PPARGC1A: variants seen among roughly 807,000 people sequenced by gnomAD.
PPARGC1A encodes the protein peroxisome proliferator-activated receptor gamma coactivator 1-alpha.
A neutral mutation model predicts 88.7 loss-of-function variants in PPARGC1A; 25 were observed. The ratio of observed to expected loss-of-function variants is 0.28; its 90% CI spans 0.21 to 0.39. The LOEUF is 0.39. Among genes scored for constraint, PPARGC1A ranks in the 10% least tolerant of loss-of-function variants. The pLI is 1.00. For missense variants in PPARGC1A, 880 were observed against 968.7 expected (o/e 0.91, Z 1.22); for synonymous variants, 363 against 355.6 (o/e 1.02, Z -0.24).
chr4:24,287,622 T>G, the PPARGC1A span, among the ~76,000 whole-genome samples: 1 of 102,464 alleles, frequency 9.8e-6, no homozygotes, highest in Non-Finnish European at 2.1e-5. Flanking sequence ...AATAAAATGC[T>G]CAACACCACA....
At chr4:24,139,850 G>A in the PPARGC1A span, among the ~76,000 whole-genome samples, 1 of 152,176 alleles carries the variant, frequency 6.6e-6, no homozygotes, top group African/African-American at 2.4e-5. Context: ...CAAAAAGGAG[G>A]TCTGTAAAGC....
chr4:24,133,607 T>C, the PPARGC1A span, among the ~76,000 whole-genome samples: 1 of 152,150 alleles, frequency 6.6e-6, no homozygotes, highest in Non-Finnish European at 1.5e-5. Flanking sequence ...GGGGAGATTA[T>C]TCATTTAGTG....
At chr4:24,022,454 C>G in the PPARGC1A span, among the ~76,000 whole-genome samples, 2 of 152,142 alleles carry the variant, frequency 1.3e-5, no homozygotes, top group South Asian at 4.1e-4. Context: ...CTCTCCCTTG[C>G]CAACTGTGAT....
the PPARGC1A span, among the ~76,000 whole-genome samples, chr4:23,974,994 G>A: frequency 6.6e-6 from 1 of 151,610 alleles, no homozygotes; most frequent in Non-Finnish European, 1.5e-5. Flanking sequence ...TTCAAAGTAG[G>A]ACAGCTGTGG....
chr4:24,226,581 G>A, the PPARGC1A span, among the ~76,000 whole-genome samples: 2 of 152,158 alleles, frequency 1.3e-5, no homozygotes, highest in South Asian at 2.1e-4. Context: ...AAGCTATCTC[G>A]CAGCCTTTCG....
intron 12 of PPARGC1A, among the ~76,000 whole-genome samples, chr4:23,800,413 T>C (rs1296560268): frequency 2.0e-5 from 3 of 152,026 alleles, no homozygotes; most frequent in African/African-American, 7.2e-5. Context: ...GCATTATTTA[T>C]AATATTGAAA....
the PPARGC1A span, among the ~76,000 whole-genome samples, chr4:24,268,832 T>C: frequency 6.6e-6 from 1 of 152,208 alleles, no homozygotes; most frequent in Non-Finnish European, 1.5e-5. Flanking sequence ...CAAACTAATA[T>C]TTATACTTCA....
chr4:23,910,228 T>TTATATATAATATATATAAA, the PPARGC1A span, among the ~76,000 whole-genome samples: 1 of 107,472 alleles, frequency 9.3e-6, no homozygotes, highest in Non-Finnish European at 1.8e-5. Context: ...ATATAATATA[T>TTATATATAATATATATAAA]TATATATAAT....
chr4:24,009,823 A>G, the PPARGC1A span, among the ~76,000 whole-genome samples: 1 of 152,332 alleles, frequency 6.6e-6, no homozygotes, highest in Middle Eastern at 3.4e-3. Context: ...TATTGGGAGT[A>G]GCTGTGAAGT....
chr4:24,195,515 T>G, the PPARGC1A span, among the ~76,000 whole-genome samples: 1 of 152,186 alleles, frequency 6.6e-6, no homozygotes, highest in African/African-American at 2.4e-5. Context: ...TTCATCTGTT[T>G]TACTTGTTTA....
the PPARGC1A span, among the ~76,000 whole-genome samples, chr4:24,132,799 G>A: frequency 5.7e-4 from 86 of 151,036 alleles, 1 homozygote; most frequent in South Asian, 0.017. Flanking sequence ...GGGTTCCTCT[G>A]GCACCTTCTT....
At chr4:24,086,610 G>A in the PPARGC1A span, among the ~76,000 whole-genome samples, 9 of 152,220 alleles carry the variant, frequency 5.9e-5, no homozygotes, top group South Asian at 2.1e-4. Context: ...ATGACCTGCC[G>A]TGCTCTCCCA....
the PPARGC1A span, among the ~76,000 whole-genome samples, chr4:24,393,675 A>T: frequency 2.6e-5 from 4 of 152,312 alleles, no homozygotes; most frequent in Admixed American, 1.3e-4. Flanking sequence ...CTTGGAACAG[A>T]TTCCTGCTGC....
chr4:24,443,612 G>C, the PPARGC1A span, among the ~76,000 whole-genome samples: 3 of 152,094 alleles, frequency 2.0e-5, no homozygotes, highest in African/African-American at 7.2e-5. Context: ...CTGAAGTGCA[G>C]TGTCAAAATC....
the PPARGC1A span, among the ~76,000 whole-genome samples, chr4:24,269,997 T>A: frequency 6.6e-6 from 1 of 152,238 alleles, no homozygotes; most frequent in African/African-American, 2.4e-5. Context: ...AATATTATTC[T>A]GGGTGTATTT....
At chr4:23,869,453 A>C (rs1217805752) in intron 2 of PPARGC1A, among the ~76,000 whole-genome samples, 2 of 152,164 alleles carry the variant, frequency 1.3e-5, no homozygotes, top group African/African-American at 4.8e-5. Flanking sequence ...GTGCATTCTC[A>C]GGTGAAAGGT....
chr4:23,941,455 G>GACTCGA, the PPARGC1A span, among the ~76,000 whole-genome samples: 1 of 152,138 alleles, frequency 6.6e-6, no homozygotes, highest in Non-Finnish European at 1.5e-5. Context: ...TGTGATATCT[G>GACTCGA]TCAGACTCGA....
the PPARGC1A span, among the ~76,000 whole-genome samples, chr4:24,460,527 T>C: frequency 6.6e-6 from 1 of 152,210 alleles, no homozygotes; most frequent in Non-Finnish European, 1.5e-5. Context: ...ACTAGTTTAA[T>C]TGGGAGAAAT....
rs537994821 is a variant in PPARGC1A, at chr4:23,843,697, A to G, written c.235-11946T>C. Among the ~76,000 whole-genome samples the G allele has an allele frequency of 9.2e-5, 14 of 152,022 alleles. No homozygotes were observed. In the South Asian group the frequency reaches 1.0e-3, roughly 11 times the overall value. On this transcript the variant is annotated intron_variant, in intron 2 of 12. Transcript: ENST00000264867. ...GGATGGTACCAAAATTACTAAATACATATTACTCAAAAATTCCTACAATTT... is the reference window on the plus strand; with the variant it reads ...GGATGGTACCAAAATTACTAAATACGTATTACTCAAAAATTCCTACAATTT...
Sources: gnomAD v4.1 joint callset for allele counts (sites outside exome capture counted in the v4.1 genomes callset) on GRCh38, gnomAD v4.1.1 for gene constraint, MANE v1.5 for transcripts, NCBI Gene and HGNC (gene_info 2026-07-23, HGNC 2026-07-21) for gene names.